The following ATP10B variants were observed in gnomAD, a reference collection of about 807,000 sequenced individuals.
ATP10B encodes the protein ATPase phospholipid transporting 10B (putative), also known as phospholipid-transporting ATPase VB.
A neutral mutation model predicts 141.2 loss-of-function variants in ATP10B; 122 were observed. That is an observed-to-expected ratio of 0.86 (90% CI 0.75 to 1.00). The LOEUF is 1.00. ATP10B is among the 50% of genes least tolerant of loss of function. The pLI, the probability that ATP10B is intolerant of heterozygous loss-of-function variation, is 0.00. For synonymous variants in ATP10B, 685 were observed against 692.0 expected (o/e 0.99, Z 0.16); for missense variants, 1,876 against 1,825.3 (o/e 1.03, Z -0.51).
chr5:160,570,195 G>C (rs1016591612), intron 24 of ATP10B, among the ~76,000 whole-genome samples: 5 of 151,430 alleles, frequency 3.3e-5, no homozygotes, highest in African/African-American at 1.2e-4. Flanking sequence ...TTTAAAAATT[G>C]ATACTAGATG....
At chr5:160,882,069 A>T in the ATP10B span, among the ~76,000 whole-genome samples, 2 of 152,164 alleles carry the variant, frequency 1.3e-5, no homozygotes, top group African/African-American at 4.8e-5. Flanking sequence ...GAGACAATAA[A>T]ATATCAGTGG....
chr5:160,569,399 CA>C, intron 25 of ATP10B, 96 bp downstream of exon 25: 1 of 1,197,850 alleles, frequency 8.3e-7, no homozygotes, highest in Non-Finnish European at 1.2e-6. Flanking sequence ...TCAAGGATGC[CA>C]GCAGAAGTCA....
intron 10 of ATP10B, among the ~76,000 whole-genome samples, chr5:160,639,403 T>G (rs1423554087): frequency 1.3e-5 from 2 of 151,748 alleles, no homozygotes; most frequent in African/African-American, 2.4e-5. Flanking sequence ...ATGGGAAGAG[T>G]ATCTCGATTA....
chr5:160,900,371 C>T, the ATP10B span, among the ~76,000 whole-genome samples: 210 of 152,280 alleles, frequency 1.4e-3, no homozygotes, highest in African/African-American at 4.7e-3. Flanking sequence ...CCACAGGAAA[C>T]GGTTTCTGTC....
intron 2 of ATP10B, among the ~76,000 whole-genome samples, chr5:160,744,745 G>A (rs1351892997): frequency 1.3e-5 from 2 of 152,210 alleles, no homozygotes; most frequent in Non-Finnish European, 2.9e-5. Context: ...TACAATGACA[G>A]GTCTTTGTAA....
chr5:160,622,363 C>T (rs534869104), intron 14 of ATP10B, 31 bp downstream of exon 14: 100 of 1,582,050 alleles, frequency 6.3e-5, no homozygotes, highest in Admixed American at 1.1e-4. Context: ...ACCTCCTTTA[C>T]CCTCCTCCCC....
intron 7 of ATP10B, among the ~76,000 whole-genome samples, chr5:160,652,362 C>T (rs1337636029): frequency 2.0e-5 from 3 of 151,886 alleles, no homozygotes; most frequent in Non-Finnish European, 2.9e-5. Flanking sequence ...CTGTATTTCC[C>T]TCCAGGGCAG....
intron 2 of ATP10B, among the ~76,000 whole-genome samples, chr5:160,764,457 G>A (rs11960056): frequency 0.26 from 38,918 of 151,858 alleles, 5,971 homozygotes; most frequent in East Asian, 0.42. Context: ...AGTAAAAATA[G>A]AAATCACATG....
intron 13 of ATP10B, among the ~76,000 whole-genome samples, chr5:160,624,467 A>G (rs6880421): frequency 0.8 from 120,881 of 151,688 alleles, 48,348 homozygotes; most frequent in East Asian, 0.84. Flanking sequence ...AAAAAAGTCT[A>G]CTTACCAGAA....
intron 24 of ATP10B, among the ~76,000 whole-genome samples, chr5:160,572,837 A>G (rs369986654): frequency 6.6e-6 from 1 of 152,236 alleles, no homozygotes; most frequent in East Asian, 1.9e-4. Context: ...ATTCAGCTTC[A>G]TCGGTTTTAA....
At chr5:160,677,028 A>G (rs1763075877) in intron 6 of ATP10B, among the ~76,000 whole-genome samples, 1 of 152,206 alleles carries the variant, frequency 6.6e-6, no homozygotes, top group African/African-American at 2.4e-5. Context: ...AGAAGGTGAC[A>G]TAAACCTAGC....
intron 2 of ATP10B, among the ~76,000 whole-genome samples, chr5:160,744,178 A>G (rs532365295): frequency 1.3e-5 from 2 of 152,310 alleles, no homozygotes; most frequent in South Asian, 2.1e-4. Flanking sequence ...CAGACAAACC[A>G]GGTACCAGCA....
chr5:160,748,215 C>T (rs1055247870), intron 2 of ATP10B, among the ~76,000 whole-genome samples: 3 of 152,096 alleles, frequency 2.0e-5, no homozygotes, highest in Admixed American at 2.0e-4. Flanking sequence ...TGAATTGGCC[C>T]AGACACCTCC....
Position 160,822,989 on chromosome 5 carries a change from C to CATATATATAT in ATP10B, c.-576+28942_-576+28951dup, listed in dbSNP as rs773879988. Among the ~76,000 whole-genome samples the CATATATATAT allele has an allele frequency of 1.3e-3, 91 of 69,676 alleles. 1 individual carries two copies. Among genetic ancestry groups the CATATATATAT allele is most frequent in the Admixed American group, 1.7e-3 (8 of 4,768 alleles). 45.7% of individuals were successfully genotyped at this position (69,676 alleles called of 152,430 possible). On this transcript the variant is annotated intron_variant, in intron 1 of 25. Coordinates refer to ENST00000327245, the MANE Select transcript of ATP10B (RefSeq NM_025153.3). ...TGACTATAGTAAAAAATTACATATA[C>CATATATATAT]ATATATATATACATATATATATATA...
At chr5:160,885,084 A>AAC in the ATP10B span, among the ~76,000 whole-genome samples, 1 of 152,162 alleles carries the variant, frequency 6.6e-6, no homozygotes, top group African/African-American at 2.4e-5. Flanking sequence ...ATTATGTTTG[A>AAC]TCCCACAAGC....
intron 2 of ATP10B, among the ~76,000 whole-genome samples, chr5:160,725,654 C>A (rs1253701267): frequency 6.6e-6 from 1 of 152,076 alleles, no homozygotes; most frequent in Non-Finnish European, 1.5e-5. Context: ...ACCGTGTTAG[C>A]CAGGATGGTC....
At chr5:160,650,264 G>GTA (rs766132670) in intron 7 of ATP10B, among the ~76,000 whole-genome samples, 5 of 151,400 alleles carry the variant, frequency 3.3e-5, no homozygotes, top group Non-Finnish European at 7.4e-5. Context: ...ATTTGTGTAG[G>GTA]TATATACATG....
At chr5:160,823,664 G>A (rs375059893) in intron 1 of ATP10B, among the ~76,000 whole-genome samples, 271 of 152,162 alleles carry the variant, frequency 1.8e-3, no homozygotes, top group African/African-American at 6.2e-3. Flanking sequence ...AGACCATCCT[G>A]GCTACTAAAG....
the ATP10B span, among the ~76,000 whole-genome samples, chr5:160,880,648 C>A: frequency 6.6e-6 from 1 of 152,186 alleles, no homozygotes; most frequent in East Asian, 1.9e-4. Context: ...TGTATATATA[C>A]AATCAGCTGA....
Sources: allele counts gnomAD v4.1 joint callset (sites outside exome capture counted in the v4.1 genomes callset), GRCh38; gene constraint gnomAD v4.1.1; transcripts MANE v1.5; gene names NCBI Gene and HGNC (gene_info 2026-07-23, HGNC 2026-07-21).